Variants in GPC5 observed in about 807,000 individuals in gnomAD.
GPC5 encodes glypican 5, also known as glypican-5.
Under a neutral mutation model 53.9 loss-of-function variants are expected in GPC5, and 47 were observed. That is an observed-to-expected ratio of 0.87 (90% CI 0.69 to 1.11). The LOEUF (loss-of-function observed/expected upper bound fraction) is 1.11. Among genes scored for constraint, GPC5 ranks in the 50% most tolerant of loss-of-function variants. The probability of loss-of-function intolerance (pLI) is 0.00; values close to 1 mark genes in which losing one functional copy is unlikely to be tolerated. For missense variants in GPC5, 748 were observed against 713.1 expected, an observed-to-expected ratio of 1.05 and a Z score of -0.56; for synonymous variants, 286 against 263.3, an observed-to-expected ratio of 1.09 and a Z score of -0.84.
At chr13:92,092,953 C>G (rs1027437904) in intron 6 of GPC5, among the ~76,000 whole-genome samples, 1 of 151,698 alleles carries the variant, frequency 6.6e-6, no homozygotes, top group African/African-American at 2.4e-5. Context: ...GCCAATATCC[C>G]TAGGGTGATG....
chr13:91,509,403 T>C (rs1333050266), intron 2 of GPC5, among the ~76,000 whole-genome samples: 1 of 42,170 alleles, frequency 2.4e-5, no homozygotes, highest in South Asian at 8.1e-4. Flanking sequence ...TAAAGAAGGC[T>C]TAACATATTC....
At chr13:92,234,316 A>G (rs965364569) in intron 7 of GPC5, among the ~76,000 whole-genome samples, 17 of 152,166 alleles carry the variant, frequency 1.1e-4, no homozygotes, top group African/African-American at 4.1e-4. Flanking sequence ...CCTCTCCAGC[A>G]CCTGTTGTTT....
chr13:92,201,463 A>T (rs1419871155), intron 7 of GPC5, among the ~76,000 whole-genome samples: 2 of 151,878 alleles, frequency 1.3e-5, no homozygotes, highest in Non-Finnish European at 2.9e-5. Flanking sequence ...GTTCAGCATG[A>T]AAACAAAAAA....
At chr13:91,424,880 C>T (rs913880305) in intron 1 of GPC5, among the ~76,000 whole-genome samples, 1 of 152,084 alleles carries the variant, frequency 6.6e-6, no homozygotes, top group South Asian at 2.1e-4. Context: ...GAGAGTAAGT[C>T]AGGACAAGCA....
chr13:92,566,345 A>G (rs1449923812), intron 7 of GPC5, among the ~76,000 whole-genome samples: 2 of 152,158 alleles, frequency 1.3e-5, no homozygotes, highest in African/African-American at 4.8e-5. Context: ...ACTTGATTTA[A>G]GAGAATATTG....
At chr13:92,781,228 C>T (rs949256598) in intron 7 of GPC5, among the ~76,000 whole-genome samples, 1 of 151,872 alleles carries the variant, frequency 6.6e-6, no homozygotes, top group African/African-American at 2.4e-5. Flanking sequence ...ACAAATATTG[C>T]CTTTAATAAA....
chr13:92,530,061 C>T (rs60524890), intron 7 of GPC5, among the ~76,000 whole-genome samples: 1 of 152,188 alleles, frequency 6.6e-6, no homozygotes, highest in African/African-American at 2.4e-5. Context: ...CCAGCCTGGG[C>T]GGCAGAGCAA....
chr13:92,676,478 TC>T (rs2139215518), intron 7 of GPC5, among the ~76,000 whole-genome samples: 1 of 152,300 alleles, frequency 6.6e-6, no homozygotes, highest in Non-Finnish European at 1.5e-5. Flanking sequence ...AGAATGCAAT[TC>T]TTTTTCAAGA....
intron 2 of GPC5, among the ~76,000 whole-genome samples, chr13:91,664,275 A>G (rs2035053762): frequency 1.3e-5 from 2 of 152,234 alleles, no homozygotes; most frequent in African/African-American, 4.8e-5. Context: ...TCCTGATTAC[A>G]TGCTGATTGC....
At position 92,532,938 on chromosome 13, in the gene GPC5, AT is replaced by A. The variant is rs955054206; in HGVS notation, c.1562-333337del. On this transcript the variant is annotated intron_variant, in intron 7 of 7. Coordinates refer to ENST00000377067, the MANE Select transcript of GPC5 (RefSeq NM_004466.6). ...TAAGTGGCAGTTTTATTAAGCTGAC[AT>A]TTTTTTAAACTGTTATTATTAATTT... Among the ~76,000 whole-genome samples, 620 of 152,242 alleles carry A rather than the reference AT, an allele frequency of 4.1e-3. 4 individuals carry two copies. Among genetic ancestry groups the A allele is most frequent in the African/African-American group, 0.014 (579 of 41,568 alleles).
At chr13:91,860,104 TATATA>T (rs1424541722) in intron 5 of GPC5, among the ~76,000 whole-genome samples, 2 of 152,278 alleles carry the variant, frequency 1.3e-5, no homozygotes, top group Non-Finnish European at 2.9e-5. Context: ...TATTTGAAAC[TATATA>T]ATATATTATT....
At chr13:92,224,441 A>G (rs1040806947) in intron 7 of GPC5, among the ~76,000 whole-genome samples, 2 of 152,206 alleles carry the variant, frequency 1.3e-5, no homozygotes, top group East Asian at 3.9e-4. Context: ...TACAAACGAG[A>G]ATTAACACAG....
At chr13:92,401,041 TA>T (rs1433238871) in intron 7 of GPC5, among the ~76,000 whole-genome samples, 2 of 152,134 alleles carry the variant, frequency 1.3e-5, no homozygotes, top group South Asian at 4.1e-4. Flanking sequence ...TACAATAATG[TA>T]AAATCATGAA....
intron 7 of GPC5, among the ~76,000 whole-genome samples, chr13:92,445,353 T>C (rs1249303793): frequency 8.6e-5 from 13 of 151,286 alleles, no homozygotes; most frequent in South Asian, 2.1e-4. Context: ...TTAGGGTACA[T>C]GTGCACATTG....
At chr13:91,863,038 C>T (rs1025019278) in intron 5 of GPC5, among the ~76,000 whole-genome samples, 1 of 147,652 alleles carries the variant, frequency 6.8e-6, no homozygotes, top group Non-Finnish European at 1.5e-5. Flanking sequence ...CTTCTTTCTC[C>T]TTCCCTCTCC....
intron 7 of GPC5, among the ~76,000 whole-genome samples, chr13:92,359,192 T>A (rs1452078112): frequency 6.6e-6 from 1 of 151,732 alleles, no homozygotes; most frequent in Non-Finnish European, 1.5e-5. Context: ...TCCTAAATTA[T>A]CACTTTGTAG....
chr13:92,682,607 T>A (rs759077383), intron 7 of GPC5, among the ~76,000 whole-genome samples: 6 of 152,172 alleles, frequency 3.9e-5, no homozygotes, highest in Non-Finnish European at 7.3e-5. Context: ...GAAAAAGACT[T>A]GCCAAGAACA....
chr13:92,812,313 C>T (rs1877325927), intron 7 of GPC5, among the ~76,000 whole-genome samples: 2 of 151,658 alleles, frequency 1.3e-5, no homozygotes, highest in African/African-American at 4.9e-5. Context: ...TAAACTTTTT[C>T]TAAATATTTT....
At chr13:91,561,451 C>T (rs2031256929) in intron 2 of GPC5, among the ~76,000 whole-genome samples, 2 of 152,146 alleles carry the variant, frequency 1.3e-5, no homozygotes, top group Admixed American at 6.6e-5. Context: ...ATTTAATTAA[C>T]CTGTTTGGTC....
Sources: gnomAD v4.1 joint callset for allele counts (sites outside exome capture counted in the v4.1 genomes callset) on GRCh38, gnomAD v4.1.1 for gene constraint, MANE v1.5 for transcripts, NCBI Gene and HGNC (gene_info 2026-07-23, HGNC 2026-07-21) for gene names.